Variants in TCF3 observed in about 807,000 individuals in gnomAD.
TCF3 encodes transcription factor 3, also known as transcription factor E2-alpha.
A neutral mutation model predicts 72.3 loss-of-function variants in TCF3; 54 were observed. The ratio of observed to expected loss-of-function variants is 0.75; its 90% CI spans 0.60 to 0.94. The LOEUF is 0.94. TCF3 is among the 40% of genes least tolerant of loss of function. The probability of loss-of-function intolerance (pLI) is 0.00; values close to 1 mark genes in which losing one functional copy is unlikely to be tolerated. For missense variants in TCF3, 1,078 were observed against 934.4 expected, an observed-to-expected ratio of 1.15 and a Z score of -2.00; for synonymous variants, 525 against 412.6, an observed-to-expected ratio of 1.27 and a Z score of -3.30.
chr19:1,621,934 G>A lies in TCF3; in HGVS notation c.859C>T (p.Leu287Phe), dbSNP rs372073532. The stretch of plus-strand genomic sequence containing the variant: ...GAGGAGAAGGAGGATGCAGATGGGA[G>A]CCCACCGTTCACCTCTGCTCCATGC... ...QLHGAEVNGG[L>F]PSASSFSSAP... Residue 287 changes from leucine to phenylalanine, a missense_variant, in exon 11 of 19, where the codon CTC becomes TTC. Physicochemically the swap from Leu to Phe is conservative, Grantham distance 22 (BLOSUM62 0). Coordinates refer to ENST00000262965, the MANE Select transcript of TCF3 (RefSeq NM_003200.5). 1.1e-5 allele frequency: 18 copies of A among 1,605,648 alleles called. No homozygotes were observed. The highest frequency in any genetic ancestry group is 4.0e-5 in the African/African-American group (3 of 74,868).
At chr19:1,630,857 A>T (rs2063624681) in intron 5 of TCF3, among the ~76,000 whole-genome samples, 1 of 152,060 alleles carries the variant, frequency 6.6e-6, no homozygotes. Flanking sequence ...ACAGGACTTG[A>T]CACTCCCGCA....
Position 1,622,349 on chromosome 19 carries a change from G to T in TCF3, c.616C>A (p.Pro206Thr). ...DATAYPSAKT[P>T]SSTYPAPFYV... is the part of the protein sequence containing the mutation. ...AAGGGGGCGGGATAGGTGCTGCTGG[G>T]GGTCTTGGCGGACGGGTAGGCGGTG... The change falls in exon 9 of 19, where the codon CCC becomes ACC. Residue 206 changes from proline to threonine, a missense_variant. By Grantham distance (38) the Pro-to-Thr change is conservative. Transcript: ENST00000262965. 6.5e-7 allele frequency: 1 copy of T among 1,533,864 alleles called. No individual in the cohort carries two copies. The highest frequency in any genetic ancestry group is 8.8e-7 in the Non-Finnish European group (1 of 1,140,740).
chr19:1,639,751 G>GAAAAAAAA (rs10674333), intron 3 of TCF3, among the ~76,000 whole-genome samples: 9 of 54,164 alleles, frequency 1.7e-4, no homozygotes, highest in African/African-American at 2.2e-4. Flanking sequence ...AGGAAATTAG[G>GAAAAAAAA]AAAAAAAAAA....
chr19:1,637,294 T>C (rs141721234), intron 3 of TCF3, among the ~76,000 whole-genome samples: 13 of 138,268 alleles, frequency 9.4e-5, no homozygotes, highest in African/African-American at 3.7e-4. Context: ...GAACCGGGGA[T>C]GCCTGGCAAC....
At chr19:1,618,980 G>T in intron 16 of TCF3, 131 bp downstream of exon 16, 1 of 1,462,736 alleles carries the variant, frequency 6.8e-7, no homozygotes, top group Non-Finnish European at 9.2e-7. Flanking sequence ...TTGCTGACTG[G>T]GGCGCCCATG....
intron 5 of TCF3, among the ~76,000 whole-genome samples, chr19:1,631,150 C>G (rs1009740692): frequency 6.6e-6 from 1 of 152,210 alleles, no homozygotes; most frequent in African/African-American, 2.4e-5. Flanking sequence ...CTCACCGCCT[C>G]CCTCCAAGAA....
At chr19:1,643,508 ACT>A (rs1352247352) in intron 3 of TCF3, among the ~76,000 whole-genome samples, 1 of 151,058 alleles carries the variant, frequency 6.6e-6, no homozygotes, top group Non-Finnish European at 1.5e-5. Flanking sequence ...GGCATGAACC[ACT>A]GTGTCTGGCC....
chr19:1,650,317 A>C lies in TCF3; in HGVS notation c.-39-30T>G, dbSNP rs183630944. The C allele has an allele frequency of 1.6e-3, 2,272 of 1,424,886 alleles. 12 individuals carry two copies. The highest frequency in any genetic ancestry group is 1.5e-3 in the Non-Finnish European group (1,569 of 1,045,922). 88.3% of individuals were successfully genotyped at this position (1,424,886 alleles called of 1,614,324 possible). A position where few individuals can be genotyped will look rare whatever the true frequency, so the allele number is the denominator to read the frequency against. ...TTGGTGGATGTGGGGACAGATGGACAGGGAGAAACAGGGAGGGGAGAAGAG... is the reference window on the plus strand; with the variant it reads ...TTGGTGGATGTGGGGACAGATGGACCGGGAGAAACAGGGAGGGGAGAAGAG... On this transcript the variant is annotated intron_variant, in intron 1 of 18. Coordinates refer to ENST00000262965, the MANE Select transcript of TCF3 (RefSeq NM_003200.5).
At chr19:1,620,584 G>C (rs2062069860) in intron 13 of TCF3, among the ~76,000 whole-genome samples, 2 of 152,222 alleles carry the variant, frequency 1.3e-5, no homozygotes, top group South Asian at 4.1e-4. Flanking sequence ...TGTTCACGCA[G>C]TGTGAACTGC....
chr19:1,627,241 C>A, intron 6 of TCF3, 118 bp downstream of exon 6: 2 of 304,396 alleles, frequency 6.6e-6, no homozygotes, highest in Non-Finnish European at 1.2e-5. Context: ...AGCCTGGTTT[C>A]GCTATCAGGA....
In TCF3 at chr19:1,610,814, AG is replaced by A; in HGVS notation, c.*892del. The A allele has an allele frequency of 4.4e-6, 1 of 227,606 alleles. No homozygotes were observed. The highest frequency in any genetic ancestry group is 8.7e-6 in the Non-Finnish European group (1 of 114,776). The allele number at this position is 227,606 out of a possible 1,614,324, so 14.1% of individuals were successfully genotyped here. ...AGGGAAGCCCCAAGGTGCCTTCATC[AG>A]GGAACGCCCACGCATCACTTTCCAC... On this transcript the variant is annotated 3_prime_UTR_variant, in exon 19 of 19. Transcript: ENST00000262965.
At chr19:1,618,853 A>G (rs1193056938) in intron 16 of TCF3, among the ~76,000 whole-genome samples, 5 of 152,216 alleles carry the variant, frequency 3.3e-5, no homozygotes, top group Non-Finnish European at 7.4e-5. Context: ...CCCAGTGCTG[A>G]GCGCTGCCAG....
In TCF3 at chr19:1,610,066, GT is replaced by G. The variant is rs2145661553; in HGVS notation, c.*1640del. 4.3e-6 allele frequency: 1 copy of G among 232,776 alleles called. No homozygotes were observed. The highest frequency in any genetic ancestry group is 6.0e-5 in the East Asian group (1 of 16,536). 14.4% of individuals were successfully genotyped at this position (232,776 alleles called of 1,614,324 possible). On this transcript the variant is annotated 3_prime_UTR_variant, in exon 19 of 19. Coordinates refer to ENST00000262965, the MANE Select transcript of TCF3 (RefSeq NM_003200.5). The stretch of plus-strand genomic sequence containing the variant: ...GGGATCCCAGGGTAGGAGACTTGCA[GT>G]TTTAAACCCAAGACAGTCCCCAGCC...
chr19:1,634,694 G>A (rs1002673844), intron 3 of TCF3, among the ~76,000 whole-genome samples: 1 of 152,240 alleles, frequency 6.6e-6, no homozygotes, highest in African/African-American at 2.4e-5. Flanking sequence ...TGGCAAATGG[G>A]AGAGGGAGGC....
At chr19:1,638,126 G>T (rs1472592228) in intron 3 of TCF3, among the ~76,000 whole-genome samples, 1 of 152,154 alleles carries the variant, frequency 6.6e-6, no homozygotes, top group Non-Finnish European at 1.5e-5. Context: ...ATTCCTAGAA[G>T]CCGTAACAAG....
At chr19:1,617,477 A>T (rs974246699) in intron 16 of TCF3, among the ~76,000 whole-genome samples, 2 of 152,280 alleles carry the variant, frequency 1.3e-5, no homozygotes, top group African/African-American at 4.8e-5. Context: ...GAATGCGGCC[A>T]CTCTGCATTC....
intron 5 of TCF3, among the ~76,000 whole-genome samples, chr19:1,631,171 G>A (rs1244884490): frequency 6.6e-6 from 1 of 152,234 alleles, no homozygotes; most frequent in Admixed American, 6.5e-5. Context: ...GGTTCTGGGA[G>A]GGTCCCTTTC....
Position 1,626,555 on chromosome 19 carries a change from C to T in TCF3, c.366+804G>A, listed in dbSNP as rs540294640. Among the ~76,000 whole-genome samples, 152 of 152,308 alleles carry T rather than the reference C, an allele frequency of 1.0e-3. 2 individuals are homozygous for T. In the Middle Eastern group the frequency reaches 0.017, roughly 17 times the overall value. ...CCCGAGGCCCGGCCTGTCCTGAGCC[C>T]GCACCCTGTGTGGCCACCGCGGGGC... On this transcript the variant is annotated intron_variant, in intron 6 of 18. Coordinates refer to ENST00000262965, the MANE Select transcript of TCF3 (RefSeq NM_003200.5).
intron 3 of TCF3, among the ~76,000 whole-genome samples, chr19:1,644,002 G>A (rs2065703225): frequency 6.6e-6 from 1 of 152,234 alleles, no homozygotes; most frequent in Non-Finnish European, 1.5e-5. Flanking sequence ...CTGGAAGGAA[G>A]CTGCACCCAC....
Sources: gnomAD v4.1 joint callset for allele counts (sites outside exome capture counted in the v4.1 genomes callset) on GRCh38, gnomAD v4.1.1 for gene constraint, MANE v1.5 for transcripts, NCBI Gene and HGNC (gene_info 2026-07-23, HGNC 2026-07-21) for gene names.